The following GTSE1 variants were observed in gnomAD, a reference collection of about 807,000 sequenced individuals.
The protein encoded by GTSE1 is G2 and S-phase expressed 1.
GTSE1 carries 52 observed loss-of-function variants against 60.5 expected under a neutral mutation model. That is an observed-to-expected ratio of 0.86 (90% CI 0.69 to 1.08). GTSE1 has a LOEUF of 1.08. Ranked by LOEUF, GTSE1 falls within the 50% of genes least tolerant of loss-of-function variation. The pLI is 0.00. For synonymous variants in GTSE1, 368 were observed against 386.5 expected (o/e 0.95, Z 0.56); for missense variants, 937 against 961.8 (o/e 0.97, Z 0.34).
At chr22:46,298,853 C>T (rs183233999) in intron 2 of GTSE1, among the ~76,000 whole-genome samples, 79 of 152,320 alleles carry the variant, frequency 5.2e-4, no homozygotes, top group Admixed American at 1.6e-3. Context: ...CTGGATCATG[C>T]GCATCCACAT....
rs180825060 is a variant in GTSE1, at chr22:46,320,655, A to G, written c.1433-2535A>G. The stretch of plus-strand genomic sequence containing the variant: ...TCTCAAAATACTCGAGGCAAGCAGC[A>G]TTCTTTGTAAAACAGTCCAGTTACA... On this transcript the variant is annotated intron_variant, in intron 7 of 11. Transcript: ENST00000454366. The surrounding 1 kb of genome is among the most constrained non-coding windows in gnomAD (Gnocchi z 7.1). Among the ~76,000 whole-genome samples, 313 of 152,358 alleles carry G rather than the reference A, an allele frequency of 2.1e-3. 2 individuals are homozygous for G. Among genetic ancestry groups the G allele is most frequent in the African/African-American group, 7.1e-3 (296 of 41,574 alleles).
Position 46,330,685 on chromosome 22 carries a change from G to A in GTSE1, c.*555G>A, listed in dbSNP as rs577843876. On this transcript the variant is annotated 3_prime_UTR_variant, in exon 12 of 12. Transcript: ENST00000454366. The surrounding 1 kb of genome is among the most constrained non-coding windows in gnomAD (Gnocchi z 6.0). ...TGAAGCCTCAGTCACTCTAAATGAA[G>A]AATTTTCTTTTGAATGTTTTGTATG... The A allele has an allele frequency of 6.6e-6, 1 of 152,488 alleles. No homozygotes were observed. The highest frequency in any genetic ancestry group is 1.5e-5 in the Non-Finnish European group (1 of 68,010). The allele number at this position is 152,488 out of a possible 1,614,324, so 9.4% of individuals were successfully genotyped here.
intron 7 of GTSE1, among the ~76,000 whole-genome samples, chr22:46,322,073 C>CAA (rs769915567): frequency 0.037 from 1,569 of 42,774 alleles, 91 homozygotes; most frequent in African/African-American, 0.085. Context: ...GACTCTGTCT[C>CAA]AAAAAAAAAA....
In GTSE1 at chr22:46,316,719, T is replaced by C. The variant is rs552870193; in HGVS notation, c.1432+307T>C. ...GCTTTGAGGTGGCTTTCTTTGCCTT[T>C]ATCCCGCTGAGGGTTTCTTAAGCTT... On this transcript the variant is annotated intron_variant, in intron 7 of 11. Transcript: ENST00000454366. The surrounding 1 kb of genome is among the most constrained non-coding windows in gnomAD (Gnocchi z 5.0). 2.0e-5 allele frequency among the ~76,000 whole-genome samples: 3 copies of C among 152,336 alleles called. No homozygotes were observed. The highest frequency in any genetic ancestry group is 4.1e-4 in the South Asian group (2 of 4,834).
chr22:46,315,120 G>A (rs1415165284), intron 6 of GTSE1, among the ~76,000 whole-genome samples: 1 of 148,006 alleles, frequency 6.8e-6, no homozygotes, highest in Non-Finnish European at 1.5e-5. Context: ...GTGCAGTGGC[G>A]CAATCTTGGC....
At position 46,297,327 on chromosome 22, in the gene GTSE1, GGAGCCCTGGGCCCT is replaced by G; in HGVS notation, c.-21-50_-21-37del. 1.9e-6 allele frequency: 2 copies of G among 1,045,012 alleles called. No individual in the cohort carries two copies. Among genetic ancestry groups the G allele is most frequent in the Non-Finnish European group, 3.0e-6 (2 of 665,260 alleles). 64.7% of individuals were successfully genotyped at this position (1,045,012 alleles called of 1,614,324 possible). Reference sequence around the variant, plus strand: ...TGTGAGCCGAGGGCTGAAGGAAGCCGGAGCCCTGGGCCCTGACACGTACTCACTTTCTGGCCCCG... The same window carrying G: ...TGTGAGCCGAGGGCTGAAGGAAGCCGGACACGTACTCACTTTCTGGCCCCG... On this transcript the variant is annotated intron_variant, in intron 1 of 11. Transcript: ENST00000454366. This position sits in a 1 kb window ranked among gnomAD's most constrained non-coding sequence, Gnocchi z 4.9.
At chr22:46,306,572 C>T (rs781509939) in intron 2 of GTSE1, among the ~76,000 whole-genome samples, 24 of 152,220 alleles carry the variant, frequency 1.6e-4, no homozygotes, top group Admixed American at 3.3e-4. Flanking sequence ...CATCTACCTC[C>T]GAGGTTCAAG....
rs371832870 is a variant in GTSE1, at chr22:46,326,468, C to T, written c.1538C>T (p.Ser513Leu). The T allele has an allele frequency of 9.9e-6, 16 of 1,610,878 alleles. No individual in the cohort carries two copies. The highest frequency in any genetic ancestry group is 1.3e-5 in the African/African-American group (1 of 75,030). ...GTCCACAGCACCCCGGTTAGACGCT[C>T]ATCTGGGCCAGCACCACAAAGCCTG... is the stretch of plus-strand genomic sequence containing the variant. Reference protein sequence around the residue: ...VTVHSTPVRRSSGPAPQSLLS... With the variant: ...VTVHSTPVRRLSGPAPQSLLS... Residue 513 changes from serine (S) to leucine (L), a missense_variant, in exon 9 of 12, where the codon TCA becomes TTA. Coordinates refer to ENST00000454366, the MANE Select transcript of GTSE1 (RefSeq NM_016426.7).
rs2077831296 is a variant in GTSE1 at position 46,324,281 on chromosome 22, A to G, written c.1505+1019A>G. 1.3e-5 allele frequency among the ~76,000 whole-genome samples: 2 copies of G among 152,222 alleles called. No individual in the cohort carries two copies. Among genetic ancestry groups the G allele is most frequent in the African/African-American group, 4.8e-5 (2 of 41,452 alleles). ...GAGCAAAGACCAGAGCCAGGCAGCC[A>G]CTGGCCACCTCACTTGCCTCTCTGT... On this transcript the variant is annotated intron_variant, in intron 8 of 11. Coordinates refer to ENST00000454366, the MANE Select transcript of GTSE1 (RefSeq NM_016426.7). The surrounding 1 kb of genome is among the most constrained non-coding windows in gnomAD (Gnocchi z 5.2).
At position 46,308,615 on chromosome 22, in the gene GTSE1, T is replaced by G. The variant is rs767657741; in HGVS notation, c.434T>G (p.Ile145Arg). Reference protein sequence around the residue: ...ERFIQESKLKINLFEKEKEMK... With the variant: ...ERFIQESKLKRNLFEKEKEMK... Reference sequence around the variant, plus strand: ...TTCATACAGGAGTCAAAATTAAAAATAAACCTCTTTGAGAAAGAAAAGGAA... The same window carrying G: ...TTCATACAGGAGTCAAAATTAAAAAGAAACCTCTTTGAGAAAGAAAAGGAA... Residue 145 changes from isoleucine (I) to arginine (R), a missense_variant, in exon 4 of 12, where the codon ATA (isoleucine) becomes AGA (arginine). Ile to Arg is a moderately conservative substitution (Grantham distance 97, BLOSUM62 -3). Coordinates refer to ENST00000454366, the MANE Select transcript of GTSE1 (RefSeq NM_016426.7). The G allele has an allele frequency of 5.6e-6, 9 of 1,614,020 alleles. No homozygotes were observed. The highest frequency in any genetic ancestry group is 8.5e-7 in the Non-Finnish European group (1 of 1,179,988).
rs776324213 is a variant in GTSE1 at position 46,317,882 on chromosome 22, G to A, written c.1432+1470G>A. Among the ~76,000 whole-genome samples, 9 of 152,024 alleles carry A rather than the reference G, an allele frequency of 5.9e-5. No homozygotes were observed. Among genetic ancestry groups the A allele is most frequent in the African/African-American group, 1.7e-4 (7 of 41,434 alleles). On this transcript the variant is annotated intron_variant, in intron 7 of 11. Coordinates refer to ENST00000454366, the MANE Select transcript of GTSE1 (RefSeq NM_016426.7). This position sits in a 1 kb window ranked among gnomAD's most constrained non-coding sequence, Gnocchi z 5.6. ...CTCCCTGGTAAGACGGCGGTTTCTC[G>A]GCCCTGTGAGCTCCGCTCGTTGCTC...
chr22:46,302,512 C>T (rs1047426764), intron 2 of GTSE1, among the ~76,000 whole-genome samples: 1 of 152,110 alleles, frequency 6.6e-6, no homozygotes, highest in African/African-American at 2.4e-5. Flanking sequence ...GTAGCTGAGA[C>T]TACCACGCCT....
intron 8 of GTSE1, among the ~76,000 whole-genome samples, chr22:46,325,762 C>T (rs1163788906): frequency 1.3e-5 from 2 of 152,374 alleles, no homozygotes; most frequent in African/African-American, 4.8e-5. Context: ...GCTAGGATTT[C>T]AGCACATGAA....
At chr22:46,303,084 T>C (rs1364323257) in intron 2 of GTSE1, among the ~76,000 whole-genome samples, 2 of 151,872 alleles carry the variant, frequency 1.3e-5, no homozygotes, top group Non-Finnish European at 2.9e-5. Flanking sequence ...TATTTTTTAG[T>C]AGAGATGGGG....
rs2077789002 is a variant in GTSE1 at position 46,317,637 on chromosome 22, A to G, written c.1432+1225A>G. On this transcript the variant is annotated intron_variant, in intron 7 of 11. Coordinates refer to ENST00000454366, the MANE Select transcript of GTSE1 (RefSeq NM_016426.7). This position sits in a 1 kb window ranked among gnomAD's most constrained non-coding sequence, Gnocchi z 5.6. ...TGGATTTTGTTGTCTTTCTCTGAGG[A>G]GTTGGGTTGGGCTTGGCAGGCAGTT... 6.6e-6 allele frequency among the ~76,000 whole-genome samples: 1 copy of G among 151,798 alleles called. No homozygotes were observed. Among genetic ancestry groups the G allele is most frequent in the African/African-American group, 2.4e-5 (1 of 41,278 alleles).
intron 2 of GTSE1, among the ~76,000 whole-genome samples, chr22:46,301,576 C>T (rs116208707): frequency 6.6e-6 from 1 of 151,778 alleles, no homozygotes; most frequent in African/African-American, 2.4e-5. Context: ...CAAACTCCCC[C>T]TCTCAGGTTC....
chr22:46,328,356 G>A (rs1355517778), intron 9 of GTSE1, among the ~76,000 whole-genome samples: 1 of 152,244 alleles, frequency 6.6e-6, no homozygotes. Flanking sequence ...GGAGCTGGCC[G>A]TGGCTCAAGG....
At chr22:46,298,709 TCTC>T (rs1297696738) in intron 2 of GTSE1, among the ~76,000 whole-genome samples, 1 of 152,204 alleles carries the variant, frequency 6.6e-6, no homozygotes, top group East Asian at 1.9e-4. Context: ...TCTGCACCCC[TCTC>T]CTCCTTCCTG....
rs1295191048 is a variant in GTSE1 at position 46,320,263 on chromosome 22, C to T, written c.1433-2927C>T. Among the ~76,000 whole-genome samples, 1 of 152,182 alleles carries T rather than the reference C, an allele frequency of 6.6e-6. No individual in the cohort carries two copies. The highest frequency in any genetic ancestry group is 1.5e-5 in the Non-Finnish European group (1 of 68,038). On this transcript the variant is annotated intron_variant, in intron 7 of 11. Coordinates refer to ENST00000454366, the MANE Select transcript of GTSE1 (RefSeq NM_016426.7). The surrounding 1 kb of genome is among the most constrained non-coding windows in gnomAD (Gnocchi z 7.1). The stretch of plus-strand genomic sequence containing the variant: ...CTTTGCCCTGTTTCCCAGAGCGTGT[C>T]CCTGCGGTCTCCTTACGCACCTCTC...
Sources: allele counts gnomAD v4.1 joint callset (sites outside exome capture counted in the v4.1 genomes callset), GRCh38; gene constraint gnomAD v4.1.1; non-coding constraint Gnocchi (gnomAD v3.1); transcripts MANE v1.5; gene names NCBI Gene and HGNC (gene_info 2026-07-23, HGNC 2026-07-21).